GRIK1: variants seen among roughly 807,000 people sequenced by gnomAD.
GRIK1 encodes the protein glutamate receptor ionotropic, kainate 1.
In GRIK1, 69 loss-of-function variants were observed where a neutral mutation model predicts 105.7. That is an observed-to-expected ratio of 0.65 (90% CI 0.54 to 0.80). The LOEUF is 0.80. Among genes scored for constraint, GRIK1 ranks in the 30% least tolerant of loss-of-function variants. The pLI is 0.00. For synonymous variants in GRIK1, 438 were observed against 431.3 expected (o/e 1.02, Z -0.19); for missense variants, 1,109 against 1,167.3 (o/e 0.95, Z 0.73).
intron 1 of GRIK1, among the ~76,000 whole-genome samples, chr21:29,770,703 T>C (rs562753441): frequency 1.3e-5 from 2 of 152,340 alleles, no homozygotes; most frequent in South Asian, 4.1e-4. Context: ...AACAAGAACA[T>C]CTAATAAAAA....
chr21:29,562,686 G>A (rs1320071253), intron 14 of GRIK1, among the ~76,000 whole-genome samples: 1 of 151,808 alleles, frequency 6.6e-6, no homozygotes, highest in African/African-American at 2.4e-5. Context: ...TCTTCATACT[G>A]TATTTATATG....
At chr21:29,922,423 T>G (rs2071222435) in intron 1 of GRIK1, among the ~76,000 whole-genome samples, 1 of 152,148 alleles carries the variant, frequency 6.6e-6, no homozygotes, top group Non-Finnish European at 1.5e-5. Flanking sequence ...TATAATTATC[T>G]TAAAACTGCA....
At chr21:29,821,359 A>T (rs957056433) in intron 1 of GRIK1, among the ~76,000 whole-genome samples, 1 of 152,082 alleles carries the variant, frequency 6.6e-6, no homozygotes, top group Non-Finnish European at 1.5e-5. Context: ...GGCACATATC[A>T]AGCAATTCAA....
chr21:29,845,970 T>G (rs901292303), intron 1 of GRIK1, among the ~76,000 whole-genome samples: 2 of 152,086 alleles, frequency 1.3e-5, no homozygotes, highest in Admixed American at 1.3e-4. Context: ...GGCTCAGAAG[T>G]CTGTGGATTC....
chr21:29,937,436 C>CTT (rs2071801647), intron 1 of GRIK1, among the ~76,000 whole-genome samples: 1 of 152,176 alleles, frequency 6.6e-6, no homozygotes, highest in Admixed American at 6.5e-5. Context: ...TATCTTGTTG[C>CTT]ATATATTTGT....
At chr21:29,656,199 A>C (rs1355964458) in intron 4 of GRIK1, among the ~76,000 whole-genome samples, 1 of 151,528 alleles carries the variant, frequency 6.6e-6, no homozygotes, top group African/African-American at 2.4e-5. Context: ...CGTCTCTACT[A>C]AAAATACACA....
chr21:29,832,544 A>G (rs1278054126), intron 1 of GRIK1, among the ~76,000 whole-genome samples: 2 of 152,168 alleles, frequency 1.3e-5, no homozygotes, highest in African/African-American at 4.8e-5. Flanking sequence ...TTAACAGCAC[A>G]TGGAAGCCAT....
chr21:29,561,495 C>G, intron 15 of GRIK1, 129 bp downstream of exon 15: 1 of 635,878 alleles, frequency 1.6e-6, no homozygotes, highest in Non-Finnish European at 2.9e-6. Flanking sequence ...TGGATGTTTA[C>G]ATTATTAGTT....
At chr21:29,911,739 A>G (rs1017866204) in intron 1 of GRIK1, among the ~76,000 whole-genome samples, 41 of 152,146 alleles carry the variant, frequency 2.7e-4, no homozygotes, top group African/African-American at 8.9e-4. Flanking sequence ...CCTCCATCAT[A>G]GGAAGATGCA....
intron 1 of GRIK1, among the ~76,000 whole-genome samples, chr21:29,904,264 A>G (rs900990448): frequency 2.0e-5 from 3 of 152,138 alleles, no homozygotes; most frequent in Non-Finnish European, 4.4e-5. Flanking sequence ...CAGAACTTAA[A>G]GTATAATAAT....
chr21:29,877,200 G>A (rs1210217794), intron 1 of GRIK1, among the ~76,000 whole-genome samples: 3 of 152,162 alleles, frequency 2.0e-5, no homozygotes. Context: ...ATATTTTACA[G>A]CTCCTTTATA....
At chr21:29,759,420 G>A (rs894298317) in intron 1 of GRIK1, among the ~76,000 whole-genome samples, 1 of 152,032 alleles carries the variant, frequency 6.6e-6, no homozygotes, top group Non-Finnish European at 1.5e-5. Context: ...GCCCTGCCCA[G>A]TTCCCTTATT....
At chr21:29,791,716 G>GT in intron 1 of GRIK1, among the ~76,000 whole-genome samples, 1 of 152,172 alleles carries the variant, frequency 6.6e-6, no homozygotes, top group African/African-American at 2.4e-5. Flanking sequence ...GAAAGCCCTA[G>GT]AGAAATGCTG....
intron 1 of GRIK1, among the ~76,000 whole-genome samples, chr21:29,873,728 GA>G (rs1569180133): frequency 1.3e-5 from 2 of 152,142 alleles, no homozygotes; most frequent in South Asian, 4.1e-4. Context: ...GTCCTGTTTT[GA>G]AGGGCCTTGA....
intron 12 of GRIK1, among the ~76,000 whole-genome samples, chr21:29,583,315 T>A (rs901827482): frequency 6.6e-6 from 1 of 152,140 alleles, no homozygotes; most frequent in African/African-American, 2.4e-5. Context: ...ATACCAATAT[T>A]AATGAACCTA....
intron 1 of GRIK1, among the ~76,000 whole-genome samples, chr21:29,754,198 A>G (rs946350657): frequency 2.0e-5 from 3 of 152,232 alleles, no homozygotes; most frequent in Non-Finnish European, 4.4e-5. Flanking sequence ...AAATGCAGTT[A>G]GTGAACTTGG....
At chr21:29,883,616 G>A (rs762165916) in intron 1 of GRIK1, among the ~76,000 whole-genome samples, 5 of 151,942 alleles carry the variant, frequency 3.3e-5, no homozygotes, top group African/African-American at 4.8e-5. Context: ...ACACACTCAA[G>A]ACACCCAGGA....
chr21:29,854,489 T>C (rs2068401902), intron 1 of GRIK1, among the ~76,000 whole-genome samples: 1 of 151,504 alleles, frequency 6.6e-6, no homozygotes, highest in African/African-American at 2.4e-5. Flanking sequence ...CTTGAAGAAA[T>C]AGCCTGCCAA....
intron 1 of GRIK1, chr21:29,758,781 G>T (rs2065423427): frequency 1.3e-5 from 2 of 152,618 alleles, no homozygotes; most frequent in African/African-American, 4.8e-5. Context: ...GGTCATTAGT[G>T]TGCGTTTAGT....
Sources: gnomAD v4.1 joint callset for allele counts (sites outside exome capture counted in the v4.1 genomes callset) on GRCh38, gnomAD v4.1.1 for gene constraint, MANE v1.5 for transcripts, NCBI Gene and HGNC (gene_info 2026-07-23, HGNC 2026-07-21) for gene names.